The following LRP1B variants were observed in gnomAD, a reference collection of about 807,000 sequenced individuals.
LRP1B encodes low-density lipoprotein receptor-related protein 1B.
In LRP1B, 217 loss-of-function variants were observed where a neutral mutation model predicts 556.6. The observed-to-expected ratio is 0.39, with a 90% CI of 0.35 to 0.44. The LOEUF (loss-of-function observed/expected upper bound fraction) is 0.44, where lower values mean the gene tolerates loss of function less well. LRP1B is among the 20% of genes least tolerant of loss of function. LRP1B has a pLI of 1.00. For missense variants in LRP1B, 5,053 were observed against 5,620.8 expected (o/e 0.90, Z 3.23); for synonymous variants, 2,047 against 1,865.8 (o/e 1.10, Z -2.50).
At chr2:140,294,499 C>T (rs1031568741) in intron 84 of LRP1B, among the ~76,000 whole-genome samples, 1 of 152,098 alleles carries the variant, frequency 6.6e-6, no homozygotes, top group African/African-American at 2.4e-5. Flanking sequence ...TGATCAGAGT[C>T]AGAAGAGGAG....
intron 89 of LRP1B, among the ~76,000 whole-genome samples, chr2:140,236,474 CAGAA>C (rs1220883168): frequency 6.6e-6 from 1 of 150,860 alleles, no homozygotes; most frequent in Non-Finnish European, 1.5e-5. Context: ...CTAAAATTAT[CAGAA>C]AGAATATTCA....
rs1157117473 is a variant in LRP1B at position 140,840,976 on chromosome 2, T to C, written c.5056A>G (p.Thr1686Ala). 1.9e-6 allele frequency: 3 copies of C among 1,612,828 alleles called. No individual in the cohort carries two copies. Among genetic ancestry groups the C allele is most frequent in the African/African-American group, 2.7e-5 (2 of 74,740 alleles). The part of the protein sequence containing the change: ...NVARLDGSLK[T>A]SIIHGIDKPQ... ...TTATCGATTCCATGGATAATTGAGG[T>C]TTTCAAAGAGCCATCTAGCCTTGCC... Residue 1686 changes from threonine to alanine, a missense_variant, in exon 30 of 91, where the codon ACC becomes GCC. Thr to Ala is a moderately conservative substitution (Grantham distance 58). This residue lies in a region of LRP1B where 3,619 missense variants were observed against 3,931.9 expected (regional missense o/e 0.92). Coordinates refer to ENST00000389484, the MANE Select transcript of LRP1B (RefSeq NM_018557.3).
At chr2:141,320,605 A>G (rs948680740) in intron 3 of LRP1B, among the ~76,000 whole-genome samples, 2 of 152,106 alleles carry the variant, frequency 1.3e-5, no homozygotes, top group Non-Finnish European at 1.5e-5. Context: ...AAAAACCTGC[A>G]GCCTGAAACT....
intron 3 of LRP1B, among the ~76,000 whole-genome samples, chr2:141,314,873 TAC>T (rs1558999340): frequency 7.9e-5 from 11 of 140,120 alleles, no homozygotes; most frequent in African/African-American, 2.6e-4. Context: ...TATACATATA[TAC>T]ATACATATAT....
chr2:140,448,167 G>A (rs547360944), intron 63 of LRP1B, among the ~76,000 whole-genome samples: 62 of 152,184 alleles, frequency 4.1e-4, no homozygotes, highest in African/African-American at 1.4e-3. Flanking sequence ...AGACAAGATT[G>A]ATGCAGCCTT....
rs13382825 is a variant in LRP1B, at chr2:140,770,866, T to C, written c.5626+15A>G. ...AGTAAATGAACCAGAGGTAAGGTTTTTCATGAACTCATACCTTGACATGAC... is the reference window on the plus strand; with the variant it reads ...AGTAAATGAACCAGAGGTAAGGTTTCTCATGAACTCATACCTTGACATGAC... On this transcript the variant is annotated intron_variant, in intron 34 of 90. Coordinates refer to ENST00000389484, the MANE Select transcript of LRP1B (RefSeq NM_018557.3). 0.018 allele frequency: 27,344 copies of C among 1,537,290 alleles called. 1,981 individuals are homozygous for C. The African/African-American group carries it at 0.18, about 10-fold the overall frequency.
At chr2:140,425,338 T>C (rs1198641180) in intron 66 of LRP1B, among the ~76,000 whole-genome samples, 2 of 152,148 alleles carry the variant, frequency 1.3e-5, no homozygotes, top group African/African-American at 4.8e-5. Context: ...GAAGCTGTAT[T>C]GAGTAATGGT....
intron 1 of LRP1B, among the ~76,000 whole-genome samples, chr2:141,891,298 T>G (rs1313195752): frequency 3.9e-5 from 6 of 152,080 alleles, no homozygotes; most frequent in Non-Finnish European, 1.5e-5. Flanking sequence ...CTGTAAACAT[T>G]TTAGGCAGCT....
At chr2:141,122,450 GAC>G (rs1184409642) in intron 7 of LRP1B, among the ~76,000 whole-genome samples, 1 of 149,286 alleles carries the variant, frequency 6.7e-6, no homozygotes, top group Non-Finnish European at 1.5e-5. Context: ...GATATGAACA[GAC>G]ACTTCTCAAA....
intron 1 of LRP1B, among the ~76,000 whole-genome samples, chr2:142,103,281 A>G (rs985569458): frequency 6.6e-6 from 1 of 151,978 alleles, no homozygotes; most frequent in Admixed American, 6.6e-5. Context: ...AATTATTTGC[A>G]TAAACTTCTT....
At chr2:140,769,436 C>A (rs1186757282) in intron 34 of LRP1B, 92 bp from the exon 35 acceptor site, 60 of 1,287,942 alleles carry the variant, frequency 4.7e-5, no homozygotes, top group Non-Finnish European at 5.6e-5. Flanking sequence ...TTTTAACAAT[C>A]TTAATTTATG....
intron 1 of LRP1B, among the ~76,000 whole-genome samples, chr2:142,052,534 T>A (rs1419306850): frequency 3.9e-5 from 6 of 152,140 alleles, no homozygotes; most frequent in African/African-American, 1.2e-4. Context: ...TCTTACTTAA[T>A]ATGTCATGTG....
intron 41 of LRP1B, among the ~76,000 whole-genome samples, chr2:140,606,469 T>C (rs557533799): frequency 6.6e-6 from 1 of 152,088 alleles, no homozygotes; most frequent in East Asian, 1.9e-4. Context: ...ATTTAATGTA[T>C]AGAAATCCCA....
chr2:141,808,913 A>G (rs1696250020), intron 2 of LRP1B, among the ~76,000 whole-genome samples: 2 of 152,090 alleles, frequency 1.3e-5, no homozygotes, highest in African/African-American at 2.4e-5. Context: ...ATGTTGTAGC[A>G]TGTAGGAGTA....
chr2:141,479,356 C>A (rs1012401679), intron 3 of LRP1B, among the ~76,000 whole-genome samples: 1 of 152,154 alleles, frequency 6.6e-6, no homozygotes, highest in Non-Finnish European at 1.5e-5. Context: ...ACTTTGAGCA[C>A]TTTAAACGTA....
In LRP1B at chr2:140,247,108, G is replaced by A. The variant is rs1431700558; in HGVS notation, c.13302C>T (p.Ser4434=). 2 of 1,609,236 alleles carry A rather than the reference G, an allele frequency of 1.2e-6. No homozygotes were observed. Among genetic ancestry groups the A allele is most frequent in the Admixed American group, 3.4e-5 (2 of 59,680 alleles). Residue 4434 remains serine (S), a synonymous_variant, in exon 87 of 91, where the codon AGC becomes AGT. Transcript: ENST00000389484. ...TQCERPAPKS[S]KSDHISTRSI... is the part of the protein sequence containing the mutation. Reference sequence around the variant, plus strand: ...TACTTGTGCTGATATGATCAGACTTGCTGCTCTTTGGGGCTGGCCTTTCAC... The same window carrying A: ...TACTTGTGCTGATATGATCAGACTTACTGCTCTTTGGGGCTGGCCTTTCAC...
At chr2:141,172,032 A>G (rs1199484179) in intron 7 of LRP1B, among the ~76,000 whole-genome samples, 1 of 152,152 alleles carries the variant, frequency 6.6e-6, no homozygotes, top group African/African-American at 2.4e-5. Context: ...AAACTATTTC[A>G]TTGACTCTAC....
intron 61 of LRP1B, 72 bp from the exon 62 acceptor site, chr2:140,456,675 A>T: frequency 1.4e-6 from 2 of 1,382,748 alleles, no homozygotes; most frequent in Non-Finnish European, 2.0e-6. Flanking sequence ...GGGATTAGAG[A>T]TAGGACTTTT....
At chr2:140,694,226 A>G (rs1281757676) in intron 41 of LRP1B, among the ~76,000 whole-genome samples, 4 of 152,200 alleles carry the variant, frequency 2.6e-5, no homozygotes, top group African/African-American at 4.8e-5. Flanking sequence ...GCATTTAAGG[A>G]CACTAGTTTA....
Sources: allele counts gnomAD v4.1 joint callset (sites outside exome capture counted in the v4.1 genomes callset), GRCh38; gene constraint gnomAD v4.1.1; regional missense constraint gnomAD v4.1.1; transcripts MANE v1.5; gene names NCBI Gene and HGNC (gene_info 2026-07-23, HGNC 2026-07-21).